The following NDRG3 variants were observed in gnomAD, a reference collection of about 807,000 sequenced individuals.
NDRG3 encodes protein NDRG3.
Under a neutral mutation model 57.2 loss-of-function variants are expected in NDRG3, and 23 were observed. That is an observed-to-expected ratio of 0.40 (90% CI 0.29 to 0.57). The LOEUF (loss-of-function observed/expected upper bound fraction) is 0.57, where lower values mean the gene tolerates loss of function less well. NDRG3 is among the 20% of genes least tolerant of loss of function. The pLI, the probability that NDRG3 is intolerant of heterozygous loss-of-function variation, is 0.42. For synonymous variants in NDRG3, 132 were observed against 162.6 expected (o/e 0.81, Z 1.43); for missense variants, 384 against 457.3 (o/e 0.84, Z 1.46).
At chr20:36,699,431 A>AAAGT (rs762570828) in intron 3 of NDRG3, among the ~76,000 whole-genome samples, 5 of 152,164 alleles carry the variant, frequency 3.3e-5, no homozygotes, top group Non-Finnish European at 5.9e-5. Context: ...AGAGAAGGAG[A>AAAGT]AAGTGTCTGC....
In NDRG3 at chr20:36,651,900, G is replaced by A. The variant is rs1266542368; in HGVS notation, c.*1620C>T. On this transcript the variant is annotated 3_prime_UTR_variant, in exon 16 of 16. Coordinates refer to ENST00000349004, the MANE Select transcript of NDRG3 (RefSeq NM_032013.4). ...AAGCCCCTTCCCAAGATTTGGAACT[G>A]TGTAACCCTGAGCTTACATCTCAAT... 6.6e-6 allele frequency: 1 copy of A among 152,178 alleles called. No homozygotes were observed. Among genetic ancestry groups the A allele is most frequent in the African/African-American group, 2.4e-5 (1 of 41,436 alleles). 9.4% of individuals were successfully genotyped at this position (152,178 alleles called of 1,614,324 possible).
rs1461304142 is a variant in NDRG3 at position 36,680,830 on chromosome 20, A to G, written c.517T>C (p.Trp173Arg). ...VDPCAKGWID[W>R]AASKLSGLTT... ...GTGGTACTTACTTTGGAAGCTGCCC[A>G]GTCAATCCAGCCTTTAGCGCAAGGG... The change falls in exon 8 of 16, where the codon TGG (tryptophan) becomes CGG (arginine). Residue 173 changes from tryptophan to arginine, a missense_variant. Transcript: ENST00000349004. 3 of 1,614,076 alleles carry G rather than the reference A, an allele frequency of 1.9e-6. No homozygotes were observed. Among genetic ancestry groups the G allele is most frequent in the Non-Finnish European group, 2.5e-6 (3 of 1,179,934 alleles).
chr20:36,670,734 G>A (rs191863369), intron 9 of NDRG3, among the ~76,000 whole-genome samples: 8 of 152,062 alleles, frequency 5.3e-5, no homozygotes, highest in Admixed American at 2.6e-4. Flanking sequence ...ACCCACTCTC[G>A]TCTCCCCATT....
chr20:36,743,002 A>G (rs1179273197), intron 1 of NDRG3, among the ~76,000 whole-genome samples: 1 of 152,202 alleles, frequency 6.6e-6, no homozygotes, highest in Non-Finnish European at 1.5e-5. Context: ...CTTTGATACA[A>G]CCAGGGGCAA....
At chr20:36,716,438 C>T (rs1984281232) in intron 2 of NDRG3, among the ~76,000 whole-genome samples, 1 of 149,920 alleles carries the variant, frequency 6.7e-6, no homozygotes, top group South Asian at 2.1e-4. Flanking sequence ...GAGGCTGAGG[C>T]AGAAGAATCA....
At chr20:36,699,723 C>T (rs1174540297) in intron 3 of NDRG3, among the ~76,000 whole-genome samples, 1 of 151,426 alleles carries the variant, frequency 6.6e-6, no homozygotes, top group Non-Finnish European at 1.5e-5. Flanking sequence ...TGGGTACACA[C>T]AGGAGGTGGA....
intron 3 of NDRG3, among the ~76,000 whole-genome samples, chr20:36,705,595 C>T (rs887429673): frequency 5.3e-5 from 8 of 152,134 alleles, no homozygotes; most frequent in Non-Finnish European, 1.0e-4. Context: ...TGCCAGCACC[C>T]TCCTTTACTG....
intron 1 of NDRG3, among the ~76,000 whole-genome samples, chr20:36,726,909 TCTTTC>T (rs1984967648): frequency 7.0e-6 from 1 of 142,012 alleles, no homozygotes; most frequent in African/African-American, 2.6e-5. Context: ...TAGATATCTT[TCTTTC>T]TTTTTTTTTT....
At chr20:36,673,287 G>A (rs1206792402) in intron 8 of NDRG3, among the ~76,000 whole-genome samples, 1 of 151,980 alleles carries the variant, frequency 6.6e-6, no homozygotes, top group African/African-American at 2.4e-5. Context: ...AGGAAGAGAT[G>A]GATAAATGAT....
intron 8 of NDRG3, among the ~76,000 whole-genome samples, chr20:36,674,604 T>C (rs1325142109): frequency 6.6e-6 from 1 of 151,018 alleles, no homozygotes; most frequent in Non-Finnish European, 1.5e-5. Context: ...GCTTTTTTTT[T>C]TTTTTTTTTT....
At chr20:36,707,641 AAC>A (rs1180759574) in intron 2 of NDRG3, among the ~76,000 whole-genome samples, 3 of 152,194 alleles carry the variant, frequency 2.0e-5, no homozygotes, top group African/African-American at 7.2e-5. Context: ...TAAAAAGTCA[AAC>A]ACAGTCAAAA....
At position 36,663,810 on chromosome 20, in the gene NDRG3, T is replaced by C. The variant is rs141862661; in HGVS notation, c.810+1236A>G. On this transcript the variant is annotated intron_variant, in intron 12 of 15. Coordinates refer to ENST00000349004, the MANE Select transcript of NDRG3 (RefSeq NM_032013.4). The stretch of plus-strand genomic sequence containing the variant: ...ATGTTCAACAGTAACATTATTTTTA[T>C]TTTTATTTATTTTTTTGAGACAGAG... 8.0e-3 allele frequency among the ~76,000 whole-genome samples: 1,219 copies of C among 152,332 alleles called. 56 individuals carry two copies. Among genetic ancestry groups the C allele is most frequent in the Admixed American group, 0.071 (1,078 of 15,288 alleles).
chr20:36,739,920 A>C (rs926904973), intron 1 of NDRG3, among the ~76,000 whole-genome samples: 6 of 151,246 alleles, frequency 4.0e-5, no homozygotes, highest in East Asian at 1.9e-4. Context: ...AAAAAAAAAA[A>C]AAAAAAAAAA....
At chr20:36,736,528 A>G (rs1985617416) in intron 1 of NDRG3, among the ~76,000 whole-genome samples, 1 of 152,206 alleles carries the variant, frequency 6.6e-6, no homozygotes, top group Non-Finnish European at 1.5e-5. Flanking sequence ...GAAGATGCAC[A>G]ATTATCTGAT....
At chr20:36,660,560 ATTTATTTATTTT>A (rs1979092552) in intron 12 of NDRG3, among the ~76,000 whole-genome samples, 176 bp from the exon 13 acceptor site, 1 of 149,872 alleles carries the variant, frequency 6.7e-6, no homozygotes, top group Non-Finnish European at 1.5e-5. Flanking sequence ...TTATTTATTT[ATTTATTTATTTT>A]TTTTTTGAGA....
In NDRG3 at chr20:36,733,354, A is replaced by G. The variant is rs565009319; in HGVS notation, c.-48-11571T>C. On this transcript the variant is annotated intron_variant, in intron 1 of 15. Coordinates refer to ENST00000349004, the MANE Select transcript of NDRG3 (RefSeq NM_032013.4). ...GGCCTTGCCAGGATGTGCTGACACC[A>G]GGCCGCTAGCTAGTATTCTAGGGGC... Among the ~76,000 whole-genome samples the G allele has an allele frequency of 1.2e-3, 187 of 151,962 alleles. 1 individual carries two copies. The highest frequency in any genetic ancestry group is 4.3e-3 in the African/African-American group (178 of 41,476).
chr20:36,742,079 T>C (rs1985952786), intron 1 of NDRG3, among the ~76,000 whole-genome samples: 1 of 152,168 alleles, frequency 6.6e-6, no homozygotes, highest in Admixed American at 6.6e-5. Flanking sequence ...CAAAGTGGTC[T>C]CACCACCACA....
At chr20:36,742,841 A>G (rs987449162) in intron 1 of NDRG3, among the ~76,000 whole-genome samples, 1 of 152,202 alleles carries the variant, frequency 6.6e-6, no homozygotes, top group African/African-American at 2.4e-5. Flanking sequence ...CCCATAGTCA[A>G]TATATTTACA....
At chr20:36,680,052 G>C (rs960514599) in intron 8 of NDRG3, among the ~76,000 whole-genome samples, 2 of 150,764 alleles carry the variant, frequency 1.3e-5, no homozygotes, top group African/African-American at 4.9e-5. Context: ...TCAAACTCCC[G>C]ACCTCAGGTG....
Sources: allele counts gnomAD v4.1 joint callset (sites outside exome capture counted in the v4.1 genomes callset), GRCh38; gene constraint gnomAD v4.1.1; transcripts MANE v1.5; gene names NCBI Gene and HGNC (gene_info 2026-07-23, HGNC 2026-07-21).